Variants in GAB1 observed in about 807,000 individuals in gnomAD.
The protein encoded by GAB1 is GRB2-associated-binding protein 1.
GAB1 carries 19 observed loss-of-function variants against 66.5 expected under a neutral mutation model. The observed-to-expected ratio is 0.29, with a 90% CI of 0.20 to 0.42. The LOEUF is 0.42. Among genes scored for constraint, GAB1 ranks in the 10% least tolerant of loss-of-function variants. The pLI is 1.00. For synonymous variants in GAB1, 294 were observed against 301.4 expected (o/e 0.98, Z 0.25); for missense variants, 732 against 858.5 (o/e 0.85, Z 1.84).
chr4:143,384,263 G>A (rs1397896438), intron 1 of GAB1, among the ~76,000 whole-genome samples: 5 of 152,098 alleles, frequency 3.3e-5, no homozygotes, highest in African/African-American at 7.2e-5. Context: ...ATAATCCTTG[G>A]TATAGCAATG....
At chr4:143,349,362 G>A (rs1286002445) in intron 1 of GAB1, 1 of 1,036,600 alleles carries the variant, frequency 9.6e-7, no homozygotes, top group Non-Finnish European at 1.5e-6. Flanking sequence ...AGTCCTGATA[G>A]GGAGACTTGG....
At chr4:143,427,498 G>A (rs957930002) in intron 2 of GAB1, among the ~76,000 whole-genome samples, 1 of 151,822 alleles carries the variant, frequency 6.6e-6, no homozygotes, top group East Asian at 1.9e-4. Context: ...GTCTTTTATC[G>A]GTTTGCACAG....
rs184479773 is a variant in GAB1, at chr4:143,416,087, T to C, written c.367+316T>C. On this transcript the variant is annotated intron_variant, in intron 2 of 9. Transcript: ENST00000262994. The stretch of plus-strand genomic sequence containing the variant: ...GTTTAACCATATAACACTGTTGATA[T>C]TTTACTATTTTTCACCTATTAAAAA... Among the ~76,000 whole-genome samples the C allele has an allele frequency of 3.2e-3, 481 of 152,346 alleles. 2 individuals are homozygous for C. The highest frequency in any genetic ancestry group is 5.0e-3 in the Non-Finnish European group (341 of 68,028).
At chr4:143,370,791 A>T (rs930688398) in intron 1 of GAB1, among the ~76,000 whole-genome samples, 1 of 152,182 alleles carries the variant, frequency 6.6e-6, no homozygotes, top group Non-Finnish European at 1.5e-5. Context: ...GAGTGAGAAC[A>T]TGCAGTGTTT....
intron 1 of GAB1, among the ~76,000 whole-genome samples, chr4:143,364,861 G>A (rs1034593124): frequency 6.9e-6 from 1 of 144,006 alleles, no homozygotes; most frequent in Non-Finnish European, 1.5e-5. Context: ...AGCTCTCCCT[G>A]CATCTACTTT....
At chr4:143,381,351 T>C (rs1431246533) in intron 1 of GAB1, among the ~76,000 whole-genome samples, 1 of 152,178 alleles carries the variant, frequency 6.6e-6, no homozygotes, top group African/African-American at 2.4e-5. Flanking sequence ...AACAAGACTG[T>C]AGCCCTGGGA....
intron 6 of GAB1, among the ~76,000 whole-genome samples, chr4:143,449,779 A>T (rs1258786073): frequency 6.6e-6 from 1 of 151,840 alleles, no homozygotes; most frequent in African/African-American, 2.4e-5. Flanking sequence ...TGGAGCATTT[A>T]GTCCATTTAC....
intron 1 of GAB1, among the ~76,000 whole-genome samples, chr4:143,354,938 T>C (rs1729383077): frequency 6.6e-6 from 1 of 152,190 alleles, no homozygotes; most frequent in South Asian, 2.1e-4. Context: ...CTAAGTGAAA[T>C]TGAAACATAG....
chr4:143,343,985 A>T (rs897505407), intron 1 of GAB1, among the ~76,000 whole-genome samples: 2 of 152,238 alleles, frequency 1.3e-5, no homozygotes, highest in Non-Finnish European at 2.9e-5. Flanking sequence ...TCAAACTAGA[A>T]ATGAACAAAA....
intron 1 of GAB1, among the ~76,000 whole-genome samples, chr4:143,372,558 A>C (rs1355265727): frequency 6.6e-6 from 1 of 152,352 alleles, no homozygotes; most frequent in African/African-American, 2.4e-5. Context: ...ACTGTGGCTT[A>C]AATTGGGTCT....
In GAB1 at chr4:143,412,487, C is replaced by T. The variant is rs1447224732; in HGVS notation, c.73-2990C>T. ...GTACAGATATGCTATGTACTAGGCA[C>T]TGTGCTATGGCAAATAAAGCAGGCG... On this transcript the variant is annotated intron_variant, in intron 1 of 9. Transcript: ENST00000262994. Among the ~76,000 whole-genome samples, 4 of 152,316 alleles carry T rather than the reference C, an allele frequency of 2.6e-5. No individual in the cohort carries two copies. The East Asian group carries it at 7.7e-4, about 29-fold the overall frequency.
chr4:143,463,019 C>T (rs1399926050), intron 8 of GAB1, among the ~76,000 whole-genome samples: 1 of 152,056 alleles, frequency 6.6e-6, no homozygotes, highest in Non-Finnish European at 1.5e-5. Flanking sequence ...AAAAATGACC[C>T]AGGAGGACAT....
intron 1 of GAB1, among the ~76,000 whole-genome samples, chr4:143,401,608 C>T (rs920338808): frequency 2.0e-5 from 3 of 152,120 alleles, no homozygotes; most frequent in African/African-American, 7.2e-5. Flanking sequence ...CTTCACCTTT[C>T]CCTCCGTAAT....
chr4:143,438,532 C>T lies in GAB1; in HGVS notation c.1127C>T (p.Pro376Leu). 6.2e-7 allele frequency: 1 copy of T among 1,614,002 alleles called. No homozygotes were observed. ...GACACTGACAGTAGTTACTGTATCC[C>T]TACAGCAGGGATGTCGCCTTCACGT... The part of the protein sequence containing the change: ...ASDTDSSYCI[P>L]TAGMSPSRSN... The change falls in exon 4 of 10, where the codon CCT becomes CTT. Residue 376 changes from proline to leucine, a missense_variant. Physicochemically the swap from Pro to Leu is moderately conservative, Grantham distance 98. Coordinates refer to ENST00000262994, the MANE Select transcript of GAB1 (RefSeq NM_002039.4).
chr4:143,367,591 T>A (rs549955804), intron 1 of GAB1, among the ~76,000 whole-genome samples: 1 of 151,074 alleles, frequency 6.6e-6, no homozygotes, highest in African/African-American at 2.4e-5. Context: ...TAAGTTCCAA[T>A]ACCTTAATGA....
intron 9 of GAB1, among the ~76,000 whole-genome samples, chr4:143,468,208 CTTTTTTTTTTTTTTT>C (rs780138131): frequency 2.9e-5 from 2 of 70,058 alleles, no homozygotes; most frequent in African/African-American, 5.6e-5. Context: ...AGTTTGAATT[CTTTTTTTTTTTTTTT>C]TTTTTTTTTT....
intron 1 of GAB1, among the ~76,000 whole-genome samples, chr4:143,404,736 C>T (rs976766161): frequency 6.6e-6 from 1 of 152,112 alleles, no homozygotes; most frequent in Non-Finnish European, 1.5e-5. Context: ...AGCAACAGAG[C>T]GAGACACTGT....
At chr4:143,456,330 A>G (rs934035772) in intron 6 of GAB1, among the ~76,000 whole-genome samples, 3 of 151,896 alleles carry the variant, frequency 2.0e-5, no homozygotes, top group East Asian at 3.9e-4. Context: ...GGTGGCGGGC[A>G]CCTGTAGTCC....
At chr4:143,367,356 C>A (rs1729925186) in intron 1 of GAB1, among the ~76,000 whole-genome samples, 1 of 152,032 alleles carries the variant, frequency 6.6e-6, no homozygotes, top group Non-Finnish European at 1.5e-5. Flanking sequence ...TTTTCAATGT[C>A]CCTGGAAAGG....
Sources: gnomAD v4.1 joint callset for allele counts (sites outside exome capture counted in the v4.1 genomes callset) on GRCh38, gnomAD v4.1.1 for gene constraint, MANE v1.5 for transcripts, NCBI Gene and HGNC (gene_info 2026-07-23, HGNC 2026-07-21) for gene names.